The following VTI1A variants were observed in gnomAD, a reference collection of about 807,000 sequenced individuals.
The protein encoded by VTI1A is vesicle transport through interaction with t-SNAREs homolog 1A.
Under a neutral mutation model 34.9 loss-of-function variants are expected in VTI1A, and 22 were observed. That is an observed-to-expected ratio of 0.63 (90% confidence interval 0.45 to 0.90). The LOEUF is 0.90. Ranked by LOEUF, VTI1A falls within the 40% of genes least tolerant of loss-of-function variation. The pLI, the probability that VTI1A is intolerant of heterozygous loss-of-function variation, is 0.00. For synonymous variants in VTI1A, 87 were observed against 97.3 expected (o/e 0.89, Z 0.62); for missense variants, 268 against 275.6 (o/e 0.97, Z 0.20).
chr10:112,802,227 A>C (rs1852901332), intron 7 of VTI1A, among the ~76,000 whole-genome samples: 2 of 152,198 alleles, frequency 1.3e-5, no homozygotes, highest in Admixed American at 1.3e-4. Context: ...CAACAGGGAG[A>C]CACCTTGTCT....
intron 7 of VTI1A, among the ~76,000 whole-genome samples, chr10:112,695,262 A>T (rs1848740188): frequency 6.6e-6 from 1 of 152,158 alleles, no homozygotes; most frequent in Non-Finnish European, 1.5e-5. Context: ...AAAGTTCAAT[A>T]TTTCTAATTT....
the VTI1A span, among the ~76,000 whole-genome samples, chr10:112,842,037 C>CTTTT: frequency 1.0e-4 from 4 of 39,904 alleles, no homozygotes; most frequent in Non-Finnish European, 2.3e-4. Flanking sequence ...GAGTTCTTTT[C>CTTTT]TTTTTTTTTT....
intron 5 of VTI1A, among the ~76,000 whole-genome samples, chr10:112,592,554 T>C (rs1428074277): frequency 6.6e-6 from 1 of 152,236 alleles, no homozygotes; most frequent in African/African-American, 2.4e-5. Context: ...TCAGTTTACC[T>C]ATTTGCATTC....
At chr10:112,716,335 A>G (rs1320675797) in intron 7 of VTI1A, among the ~76,000 whole-genome samples, 1 of 152,194 alleles carries the variant, frequency 6.6e-6, no homozygotes, top group Admixed American at 6.5e-5. Context: ...TATGGAACAC[A>G]TGCTGTTGAG....
chr10:112,669,326 T>C (rs1279332123), intron 7 of VTI1A, among the ~76,000 whole-genome samples: 2 of 152,182 alleles, frequency 1.3e-5, no homozygotes, highest in Admixed American at 6.5e-5. Context: ...TCGATGGCCT[T>C]CTTCTTATGG....
intron 5 of VTI1A, among the ~76,000 whole-genome samples, chr10:112,656,777 C>T (rs556390579): frequency 6.6e-6 from 1 of 152,160 alleles, no homozygotes; most frequent in African/African-American, 2.4e-5. Context: ...ACTTGATCAT[C>T]CTTGATATGG....
At position 112,703,292 on chromosome 10, in the gene VTI1A, G is replaced by A. The variant is rs570970762; in HGVS notation, c.560+34294G>A. 4.6e-5 allele frequency among the ~76,000 whole-genome samples: 7 copies of A among 152,226 alleles called. No individual in the cohort carries two copies. The South Asian group carries it at 1.5e-3, about 32-fold the overall frequency. On this transcript the variant is annotated intron_variant, in intron 7 of 7. Transcript: ENST00000393077. ...GATCTTAAAAATATTTCTGGGCCAGGCGCAGTGGCTCACGCCTGTAACCCC... is the reference window on the plus strand; with the variant it reads ...GATCTTAAAAATATTTCTGGGCCAGACGCAGTGGCTCACGCCTGTAACCCC...
Position 112,460,559 on chromosome 10 carries a change from C to T in VTI1A, c.130C>T (p.Gln44Ter). 3 of 1,609,150 alleles carry T rather than the reference C, an allele frequency of 1.9e-6. No individual in the cohort carries two copies. The highest frequency in any genetic ancestry group is 1.7e-6 in the Non-Finnish European group (2 of 1,177,924). The change falls in exon 2 of 8, where the codon CAG (glutamine) becomes TAG (stop). Residue 44 changes from glutamine to a stop codon, truncating the protein, a stop_gained. Coordinates refer to ENST00000393077, the MANE Select transcript of VTI1A (RefSeq NM_145206.4). LOFTEE classifies it high-confidence loss of function. ...KKQMVANVEKQLEEAKELLEQ... is the reference protein window; with the variant it reads ...KKQMVANVEK ...ACAGATGGTTGCAAATGTGGAGAAA[C>T]AGCTTGAAGAAGCGAAAGAACTGGT...
chr10:112,474,186 C>T (rs1285648280), intron 3 of VTI1A, among the ~76,000 whole-genome samples: 1 of 151,998 alleles, frequency 6.6e-6, no homozygotes, highest in South Asian at 2.1e-4. Flanking sequence ...CTCAGCCTCC[C>T]GAGTAGCTGG....
At chr10:112,612,547 G>T (rs139707303) in intron 5 of VTI1A, among the ~76,000 whole-genome samples, 82 of 152,258 alleles carry the variant, frequency 5.4e-4, no homozygotes, top group African/African-American at 1.9e-3. Flanking sequence ...TCAGCCTCCT[G>T]ATTAGCTGGA....
At chr10:112,799,073 G>A (rs972525513) in intron 7 of VTI1A, among the ~76,000 whole-genome samples, 1 of 152,146 alleles carries the variant, frequency 6.6e-6, no homozygotes, top group Non-Finnish European at 1.5e-5. Flanking sequence ...TTGACTCCAC[G>A]GTTAGGAATC....
rs999087447 is a variant in VTI1A at position 112,817,908 on chromosome 10, A to G, written c.*2525A>G. On this transcript the variant is annotated 3_prime_UTR_variant, in exon 8 of 8. Coordinates refer to ENST00000393077, the MANE Select transcript of VTI1A (RefSeq NM_145206.4). ...AAGAAGAGAAGGAAGCCCTTGCCATATAAAATTCATGCAGACTAAACAGTT... is the reference window on the plus strand; with the variant it reads ...AAGAAGAGAAGGAAGCCCTTGCCATGTAAAATTCATGCAGACTAAACAGTT... The G allele has an allele frequency of 4.3e-6, 1 of 233,146 alleles. No individual in the cohort carries two copies. The highest frequency in any genetic ancestry group is 8.5e-6 in the Non-Finnish European group (1 of 117,750). 14.4% of individuals were successfully genotyped at this position (233,146 alleles called of 1,614,324 possible). A position where few individuals can be genotyped will look rare whatever the true frequency, so the allele number is the denominator to read the frequency against.
chr10:112,527,278 G>A (rs1483955500), intron 4 of VTI1A, 114 bp downstream of exon 4: 2 of 812,066 alleles, frequency 2.5e-6, no homozygotes, highest in Non-Finnish European at 4.0e-6. Flanking sequence ...ATGTGGAAGC[G>A]ATACTGTTTA....
chr10:112,743,327 A>G (rs560887002), intron 7 of VTI1A, among the ~76,000 whole-genome samples: 31 of 152,298 alleles, frequency 2.0e-4, no homozygotes, highest in African/African-American at 6.3e-4. Context: ...AATGTTTACT[A>G]CTTTCCAGAG....
chr10:112,668,433 A>G (rs563259487), intron 6 of VTI1A, 145 bp downstream of exon 6: 1 of 838,064 alleles, frequency 1.2e-6, no homozygotes, highest in Admixed American at 2.9e-5. Context: ...GAAAAGGAAG[A>G]GGGTGAGATG....
intron 5 of VTI1A, among the ~76,000 whole-genome samples, chr10:112,661,606 C>T (rs1352545922): frequency 6.6e-6 from 1 of 152,000 alleles, no homozygotes; most frequent in Non-Finnish European, 1.5e-5. Flanking sequence ...TTTTTGAAGG[C>T]TATTATTGCT....
At chr10:112,698,700 C>T (rs968870538) in intron 7 of VTI1A, among the ~76,000 whole-genome samples, 4 of 152,194 alleles carry the variant, frequency 2.6e-5, no homozygotes, top group Admixed American at 6.5e-5. Flanking sequence ...TTTTAACACC[C>T]GTCTCGCACA....
At chr10:112,751,738 A>T (rs755770000) in intron 7 of VTI1A, among the ~76,000 whole-genome samples, 5 of 152,234 alleles carry the variant, frequency 3.3e-5, no homozygotes, top group Non-Finnish European at 7.3e-5. Flanking sequence ...TAGAGATTAC[A>T]CATTATAGAA....
At chr10:112,527,276 G>A in intron 4 of VTI1A, 112 bp downstream of exon 4, 1 of 838,264 alleles carries the variant, frequency 1.2e-6, no homozygotes, top group South Asian at 1.7e-5. Context: ...TCATGTGGAA[G>A]CGATACTGTT....
Sources: gnomAD v4.1 joint callset for allele counts (sites outside exome capture counted in the v4.1 genomes callset) on GRCh38, gnomAD v4.1.1 for gene constraint, MANE v1.5 for transcripts, NCBI Gene and HGNC (gene_info 2026-07-23, HGNC 2026-07-21) for gene names.